Variants in LRP12 observed in about 807,000 individuals in gnomAD.
LRP12 encodes LDL receptor related protein 12.
In LRP12, 14 loss-of-function variants were observed where a neutral mutation model predicts 66.0. That is an observed-to-expected ratio of 0.21 (90% CI 0.14 to 0.33). The LOEUF (loss-of-function observed/expected upper bound fraction) is 0.33, where lower values mean the gene tolerates loss of function less well. LRP12 is among the 10% of genes least tolerant of loss of function. The pLI is 1.00. For missense variants in LRP12, 889 were observed against 1,053.4 expected, an observed-to-expected ratio of 0.84 and a Z score of 2.16; for synonymous variants, 357 against 359.1, an observed-to-expected ratio of 0.99 and a Z score of 0.07.
At position 104,489,838 on chromosome 8, in the gene LRP12, C is replaced by T. The variant is rs923022432; in HGVS notation, c.*835G>A. ...CCTAGGGTCCAATGCAAGCGCAACCCTGTATTAGGGAAAGACATTACCAGG... is the reference window on the plus strand; with the variant it reads ...CCTAGGGTCCAATGCAAGCGCAACCTTGTATTAGGGAAAGACATTACCAGG... On this transcript the variant is annotated 3_prime_UTR_variant, in exon 7 of 7. Transcript: ENST00000276654. 2.0e-5 allele frequency: 3 copies of T among 152,604 alleles called. No homozygotes were observed. Among genetic ancestry groups the T allele is most frequent in the African/African-American group, 7.2e-5 (3 of 41,452 alleles). The allele number at this position is 152,604 out of a possible 1,614,324, so 9.5% of individuals were successfully genotyped here. A position where few individuals can be genotyped will look rare whatever the true frequency, so the allele number is the denominator to read the frequency against.
chr8:104,543,539 A>G (rs1160608143), intron 1 of LRP12, among the ~76,000 whole-genome samples: 1 of 152,154 alleles, frequency 6.6e-6, no homozygotes, highest in Non-Finnish European at 1.5e-5. Flanking sequence ...AGACACAACA[A>G]TATTGAAATT....
intron 1 of LRP12, among the ~76,000 whole-genome samples, chr8:104,588,568 C>G (rs1812374108): frequency 6.6e-6 from 1 of 152,162 alleles, no homozygotes; most frequent in African/African-American, 2.4e-5. Context: ...CCCCTCGCTC[C>G]GCCGGGGCCC....
intron 2 of LRP12, among the ~76,000 whole-genome samples, chr8:104,531,581 A>T (rs1301962074): frequency 6.6e-6 from 1 of 152,130 alleles, no homozygotes; most frequent in Non-Finnish European, 1.5e-5. Flanking sequence ...TCAAAATCAC[A>T]TTTCAGTAAA....
intron 3 of LRP12, chr8:104,504,782 C>G (rs1443733245): frequency 6.6e-6 from 1 of 152,132 alleles, no homozygotes; most frequent in African/African-American, 2.4e-5. Context: ...TTAAAAATCT[C>G]CCACTGCAAC....
intron 1 of LRP12, among the ~76,000 whole-genome samples, chr8:104,544,970 T>C (rs113548051): frequency 1.3e-3 from 193 of 152,194 alleles, no homozygotes; most frequent in African/African-American, 4.4e-3. Flanking sequence ...GCAAAGTAAA[T>C]TGAAACCTCT....
At chr8:104,552,763 TCAGA>T (rs1264791637) in intron 1 of LRP12, among the ~76,000 whole-genome samples, 1 of 152,132 alleles carries the variant, frequency 6.6e-6, no homozygotes, top group Non-Finnish European at 1.5e-5. Context: ...CAGCTCCCAC[TCAGA>T]CAGACAGAGC....
intron 1 of LRP12, among the ~76,000 whole-genome samples, chr8:104,535,974 A>G (rs867016382): frequency 3.9e-5 from 6 of 152,136 alleles, no homozygotes; most frequent in Middle Eastern, 3.2e-3. Flanking sequence ...AGCTACAAGA[A>G]ATGAAAATGC....
intron 2 of LRP12, among the ~76,000 whole-genome samples, chr8:104,515,543 T>C (rs1811062765): frequency 1.3e-5 from 2 of 152,206 alleles, no homozygotes; most frequent in African/African-American, 2.4e-5. Flanking sequence ...CTTGGGAAGG[T>C]GCAAAATGCA....
At chr8:104,500,895 T>G (rs564858164) in intron 3 of LRP12, among the ~76,000 whole-genome samples, 26 of 152,318 alleles carry the variant, frequency 1.7e-4, no homozygotes, top group East Asian at 5.8e-4. Context: ...TTCTACCAAG[T>G]ATGTACCAAA....
chr8:104,553,040 G>A (rs895209883), intron 1 of LRP12, among the ~76,000 whole-genome samples: 1 of 152,190 alleles, frequency 6.6e-6, no homozygotes, highest in Non-Finnish European at 1.5e-5. Context: ...GTGAAATATA[G>A]GGGTACAGGA....
intron 3 of LRP12, among the ~76,000 whole-genome samples, chr8:104,501,663 C>A (rs1167169451): frequency 6.7e-6 from 1 of 149,978 alleles, no homozygotes; most frequent in Non-Finnish European, 1.5e-5. Flanking sequence ...AAGATCGCAC[C>A]ACTGCACCCC....
At chr8:104,575,336 G>A (rs1353467582) in intron 1 of LRP12, among the ~76,000 whole-genome samples, 1 of 152,182 alleles carries the variant, frequency 6.6e-6, no homozygotes, top group Non-Finnish European at 1.5e-5. Context: ...CCACCACTGT[G>A]GTGAACACCC....
At chr8:104,580,520 A>G (rs1327680791) in intron 1 of LRP12, among the ~76,000 whole-genome samples, 2 of 151,788 alleles carry the variant, frequency 1.3e-5, no homozygotes, top group Non-Finnish European at 2.9e-5. Context: ...ACAGAGCAAG[A>G]CTCCGTTTCA....
intron 1 of LRP12, among the ~76,000 whole-genome samples, chr8:104,549,263 T>C (rs1811689164): frequency 6.6e-6 from 1 of 152,104 alleles, no homozygotes; most frequent in Non-Finnish European, 1.5e-5. Context: ...TTAATAGAGC[T>C]TCCTTACCTA....
intron 1 of LRP12, 59 bp from the exon 2 acceptor site, chr8:104,532,022 G>T: frequency 9.4e-7 from 1 of 1,064,264 alleles, no homozygotes; most frequent in Non-Finnish European, 1.4e-6. Context: ...AATTTTTTCA[G>T]ATCCTCCCTT....
chr8:104,566,366 C>T lies in LRP12; in HGVS notation c.79+22453G>A, dbSNP rs73295186. 2,025 of 258,082 alleles carry T rather than the reference C, an allele frequency of 7.8e-3. 33 individuals carry two copies. Among genetic ancestry groups the T allele is most frequent in the African/African-American group, 0.043 (1,874 of 44,028 alleles). The allele number at this position is 258,082 out of a possible 1,614,324, so 16.0% of individuals were successfully genotyped here. ...TAACTAAGTCTGGTGAGGAAAATGA[C>T]GCAGTGAAAACCATGGGAGCCTTAG... On this transcript the variant is annotated intron_variant, in intron 1 of 6. Coordinates refer to ENST00000276654, the MANE Select transcript of LRP12 (RefSeq NM_013437.5).
chr8:104,556,138 C>T (rs571553497), intron 1 of LRP12, among the ~76,000 whole-genome samples: 2 of 152,110 alleles, frequency 1.3e-5, no homozygotes, highest in African/African-American at 2.4e-5. Context: ...CTATCAAAAC[C>T]TCTGGAATAC....
At chr8:104,541,721 GC>G (rs773440655) in intron 1 of LRP12, among the ~76,000 whole-genome samples, 20 of 152,030 alleles carry the variant, frequency 1.3e-4, no homozygotes, top group Non-Finnish European at 1.9e-4. Flanking sequence ...GTATGGATTT[GC>G]CTATTCTGGT....
At chr8:104,523,070 G>C (rs1224742552) in intron 2 of LRP12, among the ~76,000 whole-genome samples, 1 of 152,070 alleles carries the variant, frequency 6.6e-6, no homozygotes, top group Non-Finnish European at 1.5e-5. Flanking sequence ...AGAAATGTAT[G>C]CTAAGGAAAT....
Sources: allele counts gnomAD v4.1 joint callset (sites outside exome capture counted in the v4.1 genomes callset), GRCh38; gene constraint gnomAD v4.1.1; transcripts MANE v1.5; gene names NCBI Gene and HGNC (gene_info 2026-07-23, HGNC 2026-07-21).